The following TLK1 variants were observed in gnomAD, a reference collection of about 807,000 sequenced individuals.
TLK1 encodes the protein tousled like kinase 1.
A neutral mutation model predicts 105.3 loss-of-function variants in TLK1; 24 were observed. The ratio of observed to expected loss-of-function variants is 0.23; its 90% CI spans 0.17 to 0.32. TLK1 has a LOEUF of 0.32. Among genes scored for constraint, TLK1 ranks in the 10% least tolerant of loss-of-function variants. The probability of loss-of-function intolerance (pLI) is 1.00; values close to 1 mark genes in which losing one functional copy is unlikely to be tolerated. For missense variants in TLK1, 558 were observed against 910.5 expected, an observed-to-expected ratio of 0.61 and a Z score of 4.98; for synonymous variants, 321 against 310.4, an observed-to-expected ratio of 1.03 and a Z score of -0.36.
intron 10 of TLK1, among the ~76,000 whole-genome samples, chr2:171,046,606 T>A (rs1053989955): frequency 1.3e-5 from 2 of 152,154 alleles, no homozygotes; most frequent in African/African-American, 4.8e-5. Context: ...TTTCATGGGA[T>A]CTTCTATCTC....
chr2:171,202,800 C>T (rs1693429368), intron 1 of TLK1, among the ~76,000 whole-genome samples: 1 of 152,110 alleles, frequency 6.6e-6, no homozygotes, highest in Non-Finnish European at 1.5e-5. Flanking sequence ...TTATATTTAT[C>T]TACTTAACAA....
chr2:171,146,978 G>C (rs1691816736), intron 1 of TLK1, among the ~76,000 whole-genome samples: 1 of 152,132 alleles, frequency 6.6e-6, no homozygotes, highest in African/African-American at 2.4e-5. Context: ...AATCTGTTTT[G>C]CTTAAGTTAA....
chr2:171,039,616 T>TA (rs1335597296), intron 11 of TLK1, among the ~76,000 whole-genome samples: 8 of 152,222 alleles, frequency 5.3e-5, no homozygotes, highest in African/African-American at 1.9e-4. Flanking sequence ...CATGAACCTG[T>TA]AGACTGATCT....
chr2:171,078,866 C>T (rs1473596963), intron 3 of TLK1, among the ~76,000 whole-genome samples: 6 of 152,220 alleles, frequency 3.9e-5, no homozygotes, highest in Non-Finnish European at 8.8e-5. Context: ...GTCCCTCCAA[C>T]GCAATCCTCT....
intron 1 of TLK1, among the ~76,000 whole-genome samples, chr2:171,168,121 A>C (rs993750223): frequency 9.2e-5 from 14 of 152,124 alleles, no homozygotes; most frequent in Non-Finnish European, 1.8e-4. Flanking sequence ...TTTTGTAGGC[A>C]AAAGAAATGG....
At chr2:171,016,733 A>G (rs953602891) in intron 12 of TLK1, among the ~76,000 whole-genome samples, 5 of 152,240 alleles carry the variant, frequency 3.3e-5, no homozygotes, top group Admixed American at 1.3e-4. Flanking sequence ...ACAGAAATTC[A>G]GAGGAATATT....
At chr2:171,088,747 G>A (rs995874878) in intron 2 of TLK1, among the ~76,000 whole-genome samples, 3 of 152,096 alleles carry the variant, frequency 2.0e-5, no homozygotes, top group Admixed American at 6.5e-5. Flanking sequence ...AATTCTACCC[G>A]TCAGATACAC....
intron 18 of TLK1, among the ~76,000 whole-genome samples, chr2:171,001,185 T>C (rs10173931): frequency 6.6e-6 from 1 of 152,088 alleles, no homozygotes; most frequent in African/African-American, 2.4e-5. Context: ...TCTTCAGTGG[T>C]GTAATCCTTC....
chr2:171,049,694 T>A lies in TLK1; in HGVS notation c.980+120A>T, dbSNP rs1433642619. 29 of 1,271,774 alleles carry A rather than the reference T, an allele frequency of 2.3e-5. No individual in the cohort carries two copies. In the East Asian group the frequency reaches 7.2e-4, roughly 31 times the overall value. The allele number at this position is 1,271,774 out of a possible 1,614,324, so 78.8% of individuals were successfully genotyped here. A position where few individuals can be genotyped will look rare whatever the true frequency, so the allele number is the denominator to read the frequency against. ...GGTTTCATATCCCTTTCAAAGGTAC[T>A]AAATTCTATGATTTCAGAGTAGCGA... is the stretch of plus-strand genomic sequence containing the variant. On this transcript the variant is annotated intron_variant, in intron 10 of 20. Transcript: ENST00000431350.
intron 2 of TLK1, among the ~76,000 whole-genome samples, chr2:171,101,245 C>T (rs1028631965): frequency 6.8e-6 from 1 of 146,980 alleles, no homozygotes; most frequent in Non-Finnish European, 1.5e-5. Flanking sequence ...ACTCAGGAGG[C>T]TGAGGCAGGA....
At chr2:171,031,752 G>A (rs1205622084) in intron 11 of TLK1, among the ~76,000 whole-genome samples, 1 of 152,108 alleles carries the variant, frequency 6.6e-6, no homozygotes, top group Non-Finnish European at 1.5e-5. Flanking sequence ...TTCTAAAATA[G>A]TTTAACAGAA....
At chr2:171,225,390 C>A (rs1021009477) in intron 1 of TLK1, among the ~76,000 whole-genome samples, 1 of 152,022 alleles carries the variant, frequency 6.6e-6, no homozygotes, top group African/African-American at 2.4e-5. Flanking sequence ...TGCCTAACAT[C>A]ATTAGTCATC....
rs541855506 is a variant in TLK1, at chr2:170,991,760, T to C, written c.*2020A>G. On this transcript the variant is annotated 3_prime_UTR_variant, in exon 21 of 21. Coordinates refer to ENST00000431350, the MANE Select transcript of TLK1 (RefSeq NM_012290.5). ...TTTAAGCACAACAGGCATTTCCTTTTAGTTCAGGAATTTAAATGTTACTTT... is the reference window on the plus strand; with the variant it reads ...TTTAAGCACAACAGGCATTTCCTTTCAGTTCAGGAATTTAAATGTTACTTT... 2.4e-4 allele frequency: 36 copies of C among 152,346 alleles called. No homozygotes were observed. In the South Asian group the frequency reaches 7.5e-3, roughly 32 times the overall value. 9.4% of individuals were successfully genotyped at this position (152,346 alleles called of 1,614,324 possible). A position where few individuals can be genotyped will look rare whatever the true frequency, so the allele number is the denominator to read the frequency against.
intron 13 of TLK1, among the ~76,000 whole-genome samples, chr2:171,014,200 GGA>G (rs1380454552): frequency 2.0e-5 from 3 of 151,916 alleles, no homozygotes; most frequent in Non-Finnish European, 4.4e-5. Flanking sequence ...TAGGCTTTAC[GGA>G]TACAGCAAGA....
At chr2:171,148,890 A>AT (rs1553483978) in intron 1 of TLK1, among the ~76,000 whole-genome samples, 104 of 138,456 alleles carry the variant, frequency 7.5e-4, no homozygotes, top group Middle Eastern at 3.6e-3. Context: ...AAAAAAAAAA[A>AT]ATATATATAT....
Position 171,046,356 on chromosome 2 carries a change from T to C in TLK1, c.987A>G (p.Gln329=). Residue 329 remains glutamine, a synonymous_variant, in exon 11 of 21, where the codon CAA becomes CAG. Coordinates refer to ENST00000431350, the MANE Select transcript of TLK1 (RefSeq NM_012290.5). ...CTTCCCTTTGCTGATTCACCCATTC[T>C]TGTTGCCTGTGTAAAAATAAACAAA... The part of the protein sequence containing the change: ...GFAFQNLVKQ[Q]EWVNQQREDI... 2.5e-6 allele frequency: 4 copies of C among 1,595,924 alleles called. No individual in the cohort carries two copies. The highest frequency in any genetic ancestry group is 3.4e-6 in the Non-Finnish European group (4 of 1,173,428).
chr2:171,223,738 C>A (rs577779866), intron 1 of TLK1, among the ~76,000 whole-genome samples: 7 of 151,926 alleles, frequency 4.6e-5, no homozygotes, highest in Non-Finnish European at 1.0e-4. Flanking sequence ...CCTTAGCCTC[C>A]CAAAGTGCTG....
intron 1 of TLK1, among the ~76,000 whole-genome samples, chr2:171,209,492 G>A (rs1693571938): frequency 6.6e-6 from 1 of 152,104 alleles, no homozygotes; most frequent in Admixed American, 6.5e-5. Context: ...TTATAAGAAA[G>A]TAATATATAC....
rs1686957424 is a variant in TLK1 at position 171,046,247 on chromosome 2, G to T, written c.1096C>A (p.Pro366Thr). 6.2e-7 allele frequency: 1 copy of T among 1,613,400 alleles called. No homozygotes were observed. The highest frequency in any genetic ancestry group is 8.5e-7 in the Non-Finnish European group (1 of 1,179,618). Residue 366 changes from proline (P) to threonine (T), a missense_variant, in exon 11 of 21, where the codon CCA becomes ACA. Around this residue, in one of 5 missense-constraint regions of TLK1, gnomAD observed 218 missense variants for 492.9 expected, o/e 0.44. Coordinates refer to ENST00000431350, the MANE Select transcript of TLK1 (RefSeq NM_012290.5). ...ACTGCTTTGTTTTTCCTTTGTTTTGGTTCAGAATTGGTAGAGGGTGCCTGA... is the reference window on the plus strand; with the variant it reads ...ACTGCTTTGTTTTTCCTTTGTTTTGTTTCAGAATTGGTAGAGGGTGCCTGA... ...NSQAPSTNSE[P>T]KQRKNKAVNG...
Sources: gnomAD v4.1 joint callset for allele counts (sites outside exome capture counted in the v4.1 genomes callset) on GRCh38, gnomAD v4.1.1 for gene constraint, gnomAD v4.1.1 regional missense constraint, MANE v1.5 for transcripts, NCBI Gene and HGNC (gene_info 2026-07-23, HGNC 2026-07-21) for gene names.